Variants in GCNT1 observed in about 807,000 individuals in gnomAD.
The protein encoded by GCNT1 is glucosaminyl (N-acetyl) transferase 1, also known as beta-1,3-galactosyl-O-glycosyl-glycoprotein beta-1,6-N-acetylglucosaminyltransferase.
In GCNT1, 16 loss-of-function variants were observed where a neutral mutation model predicts 26.2. The observed-to-expected ratio is 0.61, with a 90% CI of 0.41 to 0.93. GCNT1 has a LOEUF of 0.93. Among genes scored for constraint, GCNT1 ranks in the 40% least tolerant of loss-of-function variants. The pLI is 0.00. For synonymous variants in GCNT1, 183 were observed against 190.8 expected (o/e 0.96, Z 0.34); for missense variants, 477 against 526.7 (o/e 0.91, Z 0.92).
rs568333047 is a variant in GCNT1, at chr9:76,496,321, C to A, written c.-289-4595C>A. Among the ~76,000 whole-genome samples the A allele has an allele frequency of 2.6e-4, 39 of 152,370 alleles. No individual in the cohort carries two copies. In the South Asian group the frequency reaches 7.2e-3, roughly 28 times the overall value. Reference sequence around the variant, plus strand: ...AGCAACACCACTCCTCCATCATTCTCCGCATCCCCCCTTCAGAGGGATCCG... The same window carrying A: ...AGCAACACCACTCCTCCATCATTCTACGCATCCCCCCTTCAGAGGGATCCG... On this transcript the variant is annotated intron_variant, in intron 2 of 3. Transcript: ENST00000376730.
intron 1 of GCNT1, among the ~76,000 whole-genome samples, chr9:76,443,322 T>C (rs925489947): frequency 3.3e-5 from 5 of 152,206 alleles, no homozygotes; most frequent in African/African-American, 1.2e-4. Flanking sequence ...CTGAGAGCCC[T>C]GAACAGAGAT....
intron 2 of GCNT1, among the ~76,000 whole-genome samples, chr9:76,491,159 C>T (rs1428199601): frequency 7.2e-6 from 1 of 139,680 alleles, no homozygotes; most frequent in African/African-American, 3.4e-5. Context: ...GTCTCTCTTC[C>T]TCTCTCTCTT....
intron 2 of GCNT1, among the ~76,000 whole-genome samples, chr9:76,500,320 AGTGGTCT>A (rs1171629119): frequency 3.9e-5 from 6 of 152,168 alleles, no homozygotes; most frequent in African/African-American, 1.4e-4. Context: ...TCAGTTAGTT[AGTGGTCT>A]GCTAATGATT....
chr9:76,442,557 T>C (rs1399786745), intron 1 of GCNT1, among the ~76,000 whole-genome samples: 4 of 152,126 alleles, frequency 2.6e-5, no homozygotes, highest in Non-Finnish European at 5.9e-5. Flanking sequence ...GGTAGGCGCC[T>C]GTAATCCCAG....
chr9:76,477,266 G>A (rs1232340578), intron 2 of GCNT1, among the ~76,000 whole-genome samples: 2 of 150,058 alleles, frequency 1.3e-5, no homozygotes, highest in African/African-American at 2.4e-5. Flanking sequence ...GGTGGCTCAC[G>A]CCTGTAATCC....
At chr9:76,406,752 G>A in the GCNT1 span, among the ~76,000 whole-genome samples, 1 of 151,956 alleles carries the variant, frequency 6.6e-6, no homozygotes, top group Non-Finnish European at 1.5e-5. Flanking sequence ...AGAGTTTTAA[G>A]AGTTCTGGCC....
At chr9:76,417,585 G>A (rs75545116), upstream of GCNT1, among the ~76,000 whole-genome samples, 42 of 152,322 alleles carry the variant, frequency 2.8e-4, 1 homozygote, top group East Asian at 6.4e-3. Context: ...CTTTTCTGAT[G>A]TTAATAGCTA....
chr9:76,406,810 C>T, the GCNT1 span, among the ~76,000 whole-genome samples: 1 of 152,110 alleles, frequency 6.6e-6, no homozygotes, highest in Non-Finnish European at 1.5e-5. Flanking sequence ...GGAGGCTGAG[C>T]CAGGTGAATC....
chr9:76,479,822 GT>G (rs1184748945), intron 2 of GCNT1, among the ~76,000 whole-genome samples: 1 of 152,158 alleles, frequency 6.6e-6, no homozygotes, highest in East Asian at 1.9e-4. Flanking sequence ...CACTCTGATG[GT>G]AGTTTCTTTT....
the GCNT1 span, among the ~76,000 whole-genome samples, chr9:76,401,190 C>T: frequency 1.7e-4 from 26 of 152,294 alleles, no homozygotes; most frequent in African/African-American, 6.0e-4. Flanking sequence ...CCTTGGAAAA[C>T]AGACATGTAA....
At chr9:76,499,743 C>T (rs575937765) in intron 2 of GCNT1, among the ~76,000 whole-genome samples, 12 of 152,300 alleles carry the variant, frequency 7.9e-5, no homozygotes, top group African/African-American at 2.6e-4. Flanking sequence ...TTTCCATTTA[C>T]CCCCTCACTG....
At chr9:76,415,633 CAG>C (rs1360601497), upstream of GCNT1, among the ~76,000 whole-genome samples, 8 of 152,140 alleles carry the variant, frequency 5.3e-5, no homozygotes, top group African/African-American at 1.9e-4. Flanking sequence ...TTTACATAAC[CAG>C]ATATAAAATG....
chr9:76,502,470 C>T lies in GCNT1; in HGVS notation c.89C>T (p.Ser30Phe). Residue 30 changes from serine to phenylalanine, a missense_variant, in exon 4 of 4, where the codon TCC (serine) becomes TTC (phenylalanine). Physicochemically the swap from Ser to Phe is radical, Grantham distance 155 (BLOSUM62 -2). Transcript: ENST00000376730. ...MVLVLSLITFSVLRIHQKPEF... is the reference protein window; with the variant it reads ...MVLVLSLITFFVLRIHQKPEF... ...CTTGTTTTATCCCTAATCACCTTCT[C>T]CGTTTTAAGGATTCATCAAAAGCCT... The T allele has an allele frequency of 3.7e-6, 6 of 1,613,618 alleles. No individual in the cohort carries two copies. The highest frequency in any genetic ancestry group is 5.1e-6 in the Non-Finnish European group (6 of 1,179,562).
At chr9:76,472,428 C>T (rs1427635152) in intron 2 of GCNT1, among the ~76,000 whole-genome samples, 2 of 152,240 alleles carry the variant, frequency 1.3e-5, no homozygotes, top group Non-Finnish European at 1.5e-5. Flanking sequence ...TGAAAGAACA[C>T]ATACCCACAA....
At chr9:76,436,450 T>C (rs1172573341) in intron 1 of GCNT1, among the ~76,000 whole-genome samples, 1 of 151,718 alleles carries the variant, frequency 6.6e-6, no homozygotes, top group Non-Finnish European at 1.5e-5. Flanking sequence ...TAACTGGGCA[T>C]GGTGGCATGT....
At chr9:76,404,695 T>G in the GCNT1 span, among the ~76,000 whole-genome samples, 1 of 152,136 alleles carries the variant, frequency 6.6e-6, no homozygotes, top group Admixed American at 6.5e-5. Flanking sequence ...GAGAAAGAGA[T>G]ATATGAAGAG....
chr9:76,437,373 G>A (rs1339783553), upstream of GCNT1, among the ~76,000 whole-genome samples: 30 of 152,240 alleles, frequency 2.0e-4, no homozygotes, highest in Non-Finnish European at 4.4e-5. Flanking sequence ...CCAAAACCAA[G>A]ATGGCAATGA....
intron 1 of GCNT1, among the ~76,000 whole-genome samples, chr9:76,450,976 A>G (rs1823656462): frequency 6.6e-6 from 1 of 152,204 alleles, no homozygotes; most frequent in Non-Finnish European, 1.5e-5. Flanking sequence ...AAAACATTAA[A>G]GAACTTACAT....
At chr9:76,474,002 G>A (rs1178825344) in intron 2 of GCNT1, among the ~76,000 whole-genome samples, 2 of 152,146 alleles carry the variant, frequency 1.3e-5, no homozygotes. Flanking sequence ...AGGAGGCTGA[G>A]GTAGAAGGAT....
Sources: allele counts gnomAD v4.1 joint callset (sites outside exome capture counted in the v4.1 genomes callset), GRCh38; gene constraint gnomAD v4.1.1; transcripts MANE v1.5; gene names NCBI Gene and HGNC (gene_info 2026-07-23, HGNC 2026-07-21).